Variants in CNTN4 observed in about 807,000 individuals in gnomAD.
The protein encoded by CNTN4 is contactin-4.
Under a neutral mutation model 122.5 loss-of-function variants are expected in CNTN4, and 77 were observed. The ratio of observed to expected loss-of-function variants is 0.63; its 90% confidence interval spans 0.52 to 0.76. CNTN4 has a LOEUF of 0.76. Ranked by LOEUF, CNTN4 falls within the 30% of genes least tolerant of loss-of-function variation. The pLI is 0.00. For missense variants in CNTN4, 1,256 were observed against 1,259.1 expected, an observed-to-expected ratio of 1.00 and a Z score of 0.04; for synonymous variants, 512 against 447.0, an observed-to-expected ratio of 1.15 and a Z score of -1.83.
At chr3:2,099,724 C>T (rs2125070802) in intron 1 of CNTN4, 1 of 152,376 alleles carries the variant, frequency 6.6e-6, no homozygotes, top group African/African-American at 2.4e-5. Context: ...TGGGGGGTTT[C>T]CAGTTTCTTT....
At chr3:2,312,515 T>C (rs1362736747) in intron 2 of CNTN4, among the ~76,000 whole-genome samples, 1 of 152,058 alleles carries the variant, frequency 6.6e-6, no homozygotes. Context: ...TGAAAAATTC[T>C]TATCCCAGTG....
intron 2 of CNTN4, among the ~76,000 whole-genome samples, chr3:2,246,637 A>T (rs2040163463): frequency 6.6e-6 from 1 of 152,028 alleles, no homozygotes; most frequent in Non-Finnish European, 1.5e-5. Flanking sequence ...CTATTATAGG[A>T]AATACCAAGA....
At chr3:2,726,935 A>G (rs2088271414) in intron 4 of CNTN4, among the ~76,000 whole-genome samples, 1 of 152,210 alleles carries the variant, frequency 6.6e-6, no homozygotes, top group Non-Finnish European at 1.5e-5. Context: ...GAGTGTAGGC[A>G]AACTCTCTGT....
At chr3:2,785,282 T>A (rs2091768919) in intron 6 of CNTN4, among the ~76,000 whole-genome samples, 1 of 152,172 alleles carries the variant, frequency 6.6e-6, no homozygotes, top group South Asian at 2.1e-4. Context: ...CAAGTCTGAA[T>A]GCTTGAGAAC....
At chr3:2,832,608 G>T (rs1028458384) in intron 7 of CNTN4, among the ~76,000 whole-genome samples, 1 of 152,224 alleles carries the variant, frequency 6.6e-6, no homozygotes, top group African/African-American at 2.4e-5. Context: ...GGAGTGGAGA[G>T]GTTGTCAAAA....
intron 6 of CNTN4, among the ~76,000 whole-genome samples, chr3:2,817,707 T>G (rs1387610391): frequency 6.6e-6 from 1 of 152,216 alleles, no homozygotes; most frequent in Non-Finnish European, 1.5e-5. Flanking sequence ...AGCTCTTAAT[T>G]TTTCATGCAA....
rs558832841 is a variant in CNTN4, at chr3:2,312,328, A to C, written c.-144-26850A>C. Among the ~76,000 whole-genome samples the C allele has an allele frequency of 9.2e-5, 14 of 152,220 alleles. No individual in the cohort carries two copies. The South Asian group carries it at 2.9e-3, about 32-fold the overall frequency. On this transcript the variant is annotated intron_variant, in intron 2 of 24. Transcript: ENST00000418658. ...ATTTCAGAAATGTTTATTAATATTA[A>C]ATAGTTTTCATCCTCCTGAATAATT...
At chr3:2,642,771 CT>C (rs2082949083) in intron 4 of CNTN4, among the ~76,000 whole-genome samples, 2 of 152,050 alleles carry the variant, frequency 1.3e-5, no homozygotes, top group East Asian at 3.9e-4. Context: ...TTTTTCTGTC[CT>C]TCTGTCTTTG....
chr3:2,349,685 G>C (rs2044534595), intron 3 of CNTN4, among the ~76,000 whole-genome samples: 1 of 152,186 alleles, frequency 6.6e-6, no homozygotes, highest in African/African-American at 2.4e-5. Context: ...GGGAATGATG[G>C]ACTATCTGCA....
intron 4 of CNTN4, among the ~76,000 whole-genome samples, chr3:2,631,205 G>A (rs2082414892): frequency 6.6e-6 from 1 of 152,180 alleles, no homozygotes; most frequent in African/African-American, 2.4e-5. Context: ...GGGGGAAAAA[G>A]GAAAGTAGTT....
intron 2 of CNTN4, among the ~76,000 whole-genome samples, chr3:2,174,084 G>A (rs1333642871): frequency 6.6e-6 from 1 of 152,042 alleles, no homozygotes; most frequent in Non-Finnish European, 1.5e-5. Flanking sequence ...GAACTTGTTT[G>A]GTGAGTAGTT....
intron 4 of CNTN4, among the ~76,000 whole-genome samples, chr3:2,601,482 G>C (rs539642300): frequency 6.6e-6 from 1 of 152,180 alleles, no homozygotes; most frequent in South Asian, 2.1e-4. Flanking sequence ...CCTTGTTTTT[G>C]TCAGGTTTGT....
At chr3:2,320,218 C>T (rs866003016) in intron 2 of CNTN4, among the ~76,000 whole-genome samples, 5 of 152,034 alleles carry the variant, frequency 3.3e-5, no homozygotes, top group Non-Finnish European at 4.4e-5. Flanking sequence ...GATTTAATTA[C>T]GTTTAGTGAC....
intron 5 of CNTN4, among the ~76,000 whole-genome samples, chr3:2,737,498 G>C (rs2089201687): frequency 6.6e-6 from 1 of 152,150 alleles, no homozygotes; most frequent in Non-Finnish European, 1.5e-5. Flanking sequence ...TAAATATCCT[G>C]ATTGACTTTC....
chr3:2,242,971 C>A (rs2040002306), intron 2 of CNTN4, among the ~76,000 whole-genome samples: 1 of 152,070 alleles, frequency 6.6e-6, no homozygotes, highest in Non-Finnish European at 1.5e-5. Context: ...TGATCTGTAA[C>A]ATTTCTTCTT....
chr3:2,131,843 T>A (rs2034464196), intron 2 of CNTN4, among the ~76,000 whole-genome samples: 1 of 152,188 alleles, frequency 6.6e-6, no homozygotes, highest in Admixed American at 6.5e-5. Context: ...GGATCTCAGA[T>A]CTAGAATCAG....
intron 3 of CNTN4, among the ~76,000 whole-genome samples, chr3:2,567,615 G>A (rs2079229817): frequency 6.6e-6 from 1 of 152,138 alleles, no homozygotes; most frequent in Non-Finnish European, 1.5e-5. Flanking sequence ...ATATCTTGCT[G>A]CTCTTTTATA....
At chr3:3,033,712 C>T (rs1009589880) in intron 16 of CNTN4, among the ~76,000 whole-genome samples, 4 of 152,142 alleles carry the variant, frequency 2.6e-5, no homozygotes, top group Non-Finnish European at 5.9e-5. Context: ...ATTTAACTGC[C>T]TGGTAAGAGA....
intron 3 of CNTN4, among the ~76,000 whole-genome samples, chr3:2,554,056 C>T (rs1461700609): frequency 6.6e-6 from 1 of 152,102 alleles, no homozygotes; most frequent in Non-Finnish European, 1.5e-5. Context: ...TTAAATTAAT[C>T]TACATCACAA....
Sources: allele counts gnomAD v4.1 joint callset (sites outside exome capture counted in the v4.1 genomes callset), GRCh38; gene constraint gnomAD v4.1.1; transcripts MANE v1.5; gene names NCBI Gene and HGNC (gene_info 2026-07-23, HGNC 2026-07-21).